ATP2B4: variants seen among roughly 807,000 people sequenced by gnomAD.
ATP2B4 encodes plasma membrane calcium-transporting ATPase 4.
ATP2B4 carries 39 observed loss-of-function variants against 110.3 expected under a neutral mutation model. The observed-to-expected ratio is 0.35, with a 90% CI of 0.27 to 0.46. The LOEUF is 0.46. Among genes scored for constraint, ATP2B4 ranks in the 20% least tolerant of loss-of-function variants. The probability of loss-of-function intolerance (pLI) is 1.00; values close to 1 mark genes in which losing one functional copy is unlikely to be tolerated. For missense variants in ATP2B4, 1,135 were observed against 1,530.9 expected (o/e 0.74, Z 4.32); for synonymous variants, 538 against 571.7 (o/e 0.94, Z 0.84).
At chr1:203,715,400 A>G (rs1215416873) in intron 15 of ATP2B4, among the ~76,000 whole-genome samples, 2 of 141,702 alleles carry the variant, frequency 1.4e-5, no homozygotes, top group African/African-American at 5.2e-5. Context: ...TAAAAATACA[A>G]AAATTAGCTG....
chr1:203,652,616 C>T (rs1409130115), intron 1 of ATP2B4, among the ~76,000 whole-genome samples: 2 of 152,094 alleles, frequency 1.3e-5, no homozygotes, highest in Non-Finnish European at 2.9e-5. Context: ...TCAGCATGTG[C>T]TCATTTCATG....
intron 5 of ATP2B4, 106 bp from the exon 6 acceptor site, chr1:203,700,692 C>A: frequency 6.9e-7 from 1 of 1,447,514 alleles, no homozygotes; most frequent in Non-Finnish European, 9.5e-7. Context: ...CATCATTATC[C>A]ATGGGGTAGG....
At chr1:203,698,396 C>A in intron 3 of ATP2B4, 42 bp downstream of exon 3, 2 of 1,592,094 alleles carry the variant, frequency 1.3e-6, no homozygotes, top group East Asian at 4.5e-5. Flanking sequence ...TATCTGGGTT[C>A]TTTCCACCAC....
At chr1:203,692,170 A>G (rs560925242) in intron 2 of ATP2B4, among the ~76,000 whole-genome samples, 112 of 150,974 alleles carry the variant, frequency 7.4e-4, no homozygotes, top group Non-Finnish European at 2.1e-4. Context: ...GTGAGCCACC[A>G]CACCCGGCCT....
intron 2 of ATP2B4, among the ~76,000 whole-genome samples, chr1:203,692,949 G>A (rs1248900009): frequency 6.6e-6 from 1 of 152,204 alleles, no homozygotes; most frequent in East Asian, 1.9e-4. Flanking sequence ...CATGTGTTCA[G>A]TCTGGTTCAT....
chr1:203,627,421 T>C (rs1286357515), intron 1 of ATP2B4, among the ~76,000 whole-genome samples: 1 of 152,194 alleles, frequency 6.6e-6, no homozygotes, highest in Non-Finnish European at 1.5e-5. Flanking sequence ...AGAAACCATA[T>C]AGTCGAACAA....
chr1:203,700,367 C>A (rs764929353), intron 5 of ATP2B4, 36 bp downstream of exon 5: 15 of 1,593,538 alleles, frequency 9.4e-6, no homozygotes, highest in Non-Finnish European at 1.2e-5. Flanking sequence ...CCATTTACCT[C>A]CCTGCAAACA....
intron 2 of ATP2B4, among the ~76,000 whole-genome samples, chr1:203,694,384 T>C (rs1665472099): frequency 1.3e-5 from 2 of 152,050 alleles, no homozygotes; most frequent in Admixed American, 6.6e-5. Context: ...GAGTGCCAGG[T>C]AAATACAGTG....
intron 1 of ATP2B4, among the ~76,000 whole-genome samples, chr1:203,656,609 G>A (rs1269547146): frequency 6.6e-6 from 1 of 152,208 alleles, no homozygotes; most frequent in Admixed American, 6.5e-5. Flanking sequence ...TAACGAGGTA[G>A]AAGATACTTC....
At chr1:203,680,705 A>G (rs928481702) in intron 1 of ATP2B4, among the ~76,000 whole-genome samples, 6 of 152,158 alleles carry the variant, frequency 3.9e-5, no homozygotes, top group Admixed American at 6.5e-5. Flanking sequence ...ATTTCCAAGC[A>G]CTATTTCTAT....
chr1:203,718,380 C>T (rs1035562329), intron 15 of ATP2B4, among the ~76,000 whole-genome samples: 1 of 152,086 alleles, frequency 6.6e-6, no homozygotes, highest in African/African-American at 2.4e-5. Flanking sequence ...CTCACTGCAA[C>T]CTCTGCCTCC....
intron 19 of ATP2B4, among the ~76,000 whole-genome samples, chr1:203,725,904 C>CTTTTTTTTTTTTTTTTTTTTTTT (rs756184004): frequency 5.4e-5 from 5 of 93,378 alleles, no homozygotes; most frequent in African/African-American, 1.4e-4. Flanking sequence ...CTTTTCTTTT[C>CTTTTTTTTTTTTTTTTTTTTTTT]TTTTTTTTTT....
intron 1 of ATP2B4, among the ~76,000 whole-genome samples, chr1:203,634,770 C>T (rs1211820242): frequency 6.6e-6 from 1 of 152,088 alleles, no homozygotes; most frequent in Non-Finnish European, 1.5e-5. Flanking sequence ...CTCAAGCTAT[C>T]CTCCCACCTC....
At chr1:203,664,722 C>A (rs1664449217) in intron 1 of ATP2B4, among the ~76,000 whole-genome samples, 2 of 152,196 alleles carry the variant, frequency 1.3e-5, no homozygotes, top group South Asian at 4.1e-4. Flanking sequence ...CCATGTCAAA[C>A]TGGATTCACT....
intron 8 of ATP2B4, among the ~76,000 whole-genome samples, chr1:203,705,720 G>A (rs1475988934): frequency 6.6e-6 from 1 of 152,122 alleles, no homozygotes; most frequent in African/African-American, 2.4e-5. Flanking sequence ...CCTGTCCCCT[G>A]CCTTGTTCTT....
intron 1 of ATP2B4, among the ~76,000 whole-genome samples, chr1:203,635,657 A>G (rs1663416012): frequency 6.6e-6 from 1 of 152,208 alleles, no homozygotes. Context: ...TCTCAAAAAA[A>G]AAAGGTGAAA....
chr1:203,691,782 A>G (rs1387108656), intron 2 of ATP2B4, among the ~76,000 whole-genome samples: 2 of 152,212 alleles, frequency 1.3e-5, no homozygotes, highest in African/African-American at 2.4e-5. Flanking sequence ...TTCGGTTATT[A>G]GCCAGAGATG....
chr1:203,657,026 C>T, intron 1 of ATP2B4: 3 of 756,544 alleles, frequency 4.0e-6, no homozygotes, highest in South Asian at 1.5e-5. Context: ...GTAACCTGAG[C>T]ATATTTTCTC....
At chr1:203,667,587 G>A (rs1664545395) in intron 1 of ATP2B4, among the ~76,000 whole-genome samples, 2 of 151,904 alleles carry the variant, frequency 1.3e-5, no homozygotes, top group East Asian at 1.9e-4. Flanking sequence ...CTTCTTGCTC[G>A]GGTGCTACCT....
Sources: gnomAD v4.1 joint callset for allele counts (sites outside exome capture counted in the v4.1 genomes callset) on GRCh38, gnomAD v4.1.1 for gene constraint, MANE v1.5 for transcripts, NCBI Gene and HGNC (gene_info 2026-07-23, HGNC 2026-07-21) for gene names.